The following BTC variants were observed in gnomAD, a reference collection of about 807,000 sequenced individuals.
BTC encodes betacellulin, also known as probetacellulin.
In BTC, 13 loss-of-function variants were observed where a neutral mutation model predicts 18.1. The observed-to-expected ratio is 0.72, with a 90% CI of 0.47 to 1.14. The LOEUF (loss-of-function observed/expected upper bound fraction) is 1.14. BTC is among the 50% of genes most tolerant of loss of function. The probability of loss-of-function intolerance (pLI) is 0.00; values close to 1 mark genes in which losing one functional copy is unlikely to be tolerated. For synonymous variants in BTC, 83 were observed against 79.4 expected, an observed-to-expected ratio of 1.05 and a Z score of -0.24; for missense variants, 247 against 224.2, an observed-to-expected ratio of 1.10 and a Z score of -0.65.
At chr4:74,767,937 A>T (rs1724943780) in intron 2 of BTC, among the ~76,000 whole-genome samples, 1 of 152,164 alleles carries the variant, frequency 6.6e-6, no homozygotes, top group Non-Finnish European at 1.5e-5. Flanking sequence ...CCTGCAAGAA[A>T]ACGTAAGATA....
intron 1 of BTC, among the ~76,000 whole-genome samples, chr4:74,777,770 A>G (rs942963092): frequency 1.3e-5 from 2 of 152,054 alleles, no homozygotes; most frequent in Admixed American, 6.6e-5. Context: ...GGTTGGTTAA[A>G]TGATTCAATA....
intron 1 of BTC, among the ~76,000 whole-genome samples, chr4:74,780,899 T>G (rs1353685419): frequency 6.6e-6 from 1 of 150,614 alleles, no homozygotes; most frequent in Non-Finnish European, 1.5e-5. Context: ...AGAGTTTCTT[T>G]TTTTTTTTTT....
At chr4:74,780,896 C>CT (rs779129954) in intron 1 of BTC, among the ~76,000 whole-genome samples, 8,806 of 98,910 alleles carry the variant, frequency 0.089, 365 homozygotes, top group Admixed American at 0.15. Context: ...CTGAGAGTTT[C>CT]TTTTTTTTTT....
intron 2 of BTC, among the ~76,000 whole-genome samples, chr4:74,760,128 G>C (rs1000789990): frequency 3.3e-5 from 5 of 152,192 alleles, no homozygotes; most frequent in Non-Finnish European, 7.3e-5. Context: ...GTATTCTGAA[G>C]TCAACTCAAA....
intron 2 of BTC, among the ~76,000 whole-genome samples, chr4:74,768,028 T>G (rs767244256): frequency 6.6e-6 from 1 of 152,012 alleles, no homozygotes; most frequent in African/African-American, 2.4e-5. Flanking sequence ...AATAAACAAG[T>G]GGGACTATGT....
intron 1 of BTC, among the ~76,000 whole-genome samples, chr4:74,790,818 G>T (rs1237555809): frequency 6.6e-6 from 1 of 152,186 alleles, no homozygotes; most frequent in East Asian, 1.9e-4. Flanking sequence ...GAGAAGCAGG[G>T]TTTCCTGGAA....
intron 4 of BTC, 98 bp downstream of exon 4, chr4:74,750,475 A>T: frequency 7.7e-7 from 1 of 1,304,922 alleles, no homozygotes; most frequent in Non-Finnish European, 1.0e-6. Flanking sequence ...TGAATCAAAG[A>T]AAAAGCAAAA....
intron 3 of BTC, among the ~76,000 whole-genome samples, chr4:74,755,625 C>A (rs533119937): frequency 6.6e-6 from 1 of 152,334 alleles, no homozygotes; most frequent in South Asian, 2.1e-4. Context: ...GGACACTGCC[C>A]AGCCCAGAAG....
intron 1 of BTC, among the ~76,000 whole-genome samples, chr4:74,775,569 C>T (rs991196354): frequency 2.0e-5 from 3 of 152,088 alleles, no homozygotes; most frequent in Non-Finnish European, 4.4e-5. Context: ...TCCTCAAGCC[C>T]GTATTTAAAA....
intron 2 of BTC, among the ~76,000 whole-genome samples, chr4:74,759,657 TA>T (rs61506916): frequency 0.38 from 56,369 of 146,682 alleles, 11,225 homozygotes; most frequent in East Asian, 0.61. Context: ...ACATTTAAGT[TA>T]AAAAAAAAAA....
At chr4:74,789,185 C>T (rs1002221449) in intron 1 of BTC, among the ~76,000 whole-genome samples, 1 of 152,222 alleles carries the variant, frequency 6.6e-6, no homozygotes, top group Non-Finnish European at 1.5e-5. Context: ...AGCTTACATT[C>T]TAAGGAAACA....
chr4:74,783,541 C>T (rs112680684), intron 1 of BTC, among the ~76,000 whole-genome samples: 22 of 149,622 alleles, frequency 1.5e-4, no homozygotes, highest in African/African-American at 5.4e-4. Context: ...AATGATGCCT[C>T]CAGCCTTGTA....
chr4:74,787,428 C>T (rs1373625613), intron 1 of BTC, among the ~76,000 whole-genome samples: 1 of 152,130 alleles, frequency 6.6e-6, no homozygotes, highest in African/African-American at 2.4e-5. Context: ...AAAGGTCTTT[C>T]ATTGTTTCTT....
chr4:74,766,061 G>T (rs963896963), intron 2 of BTC, among the ~76,000 whole-genome samples: 1 of 151,868 alleles, frequency 6.6e-6, no homozygotes. Flanking sequence ...TCTAAACATA[G>T]AAAAAGTACA....
intron 1 of BTC, 101 bp from the exon 2 acceptor site, chr4:74,770,257 A>G: frequency 3.3e-6 from 3 of 919,118 alleles, no homozygotes; most frequent in Non-Finnish European, 5.0e-6. Context: ...TGAAAATAAC[A>G]AGACTATGGT....
Position 74,794,428 on chromosome 4 carries a change from C to A in BTC, c.-103G>T. 1.6e-6 allele frequency: 2 copies of A among 1,268,180 alleles called. No individual in the cohort carries two copies. Among genetic ancestry groups the A allele is most frequent in the Non-Finnish European group, 2.1e-6 (2 of 951,514 alleles). The allele number at this position is 1,268,180 out of a possible 1,614,324, so 78.6% of individuals were successfully genotyped here. On this transcript the variant is annotated 5_prime_UTR_variant, in exon 1 of 6. Transcript: ENST00000395743. ...CTGAGAGGGTGCCTGGAAACTAATC[C>A]CGGAGGCAGAAGGAAACGAAACTAC...
At chr4:74,762,583 G>A (rs1553957430) in intron 2 of BTC, among the ~76,000 whole-genome samples, 1 of 151,926 alleles carries the variant, frequency 6.6e-6, no homozygotes, top group Non-Finnish European at 1.5e-5. Context: ...AGGAAGGAAA[G>A]GAGGGCTGAA....
At chr4:74,767,691 A>G (rs1020791554) in intron 2 of BTC, among the ~76,000 whole-genome samples, 1 of 152,146 alleles carries the variant, frequency 6.6e-6, no homozygotes, top group Admixed American at 6.5e-5. Flanking sequence ...TGGTACTGGC[A>G]TAAAGACCAA....
At chr4:74,764,190 T>C (rs1724838150) in intron 2 of BTC, among the ~76,000 whole-genome samples, 1 of 151,996 alleles carries the variant, frequency 6.6e-6, no homozygotes, top group African/African-American at 2.4e-5. Context: ...ATGTAAAAGC[T>C]AAAAATTATG....
Sources: gnomAD v4.1 joint callset for allele counts (sites outside exome capture counted in the v4.1 genomes callset) on GRCh38, gnomAD v4.1.1 for gene constraint, MANE v1.5 for transcripts, NCBI Gene and HGNC (gene_info 2026-07-23, HGNC 2026-07-21) for gene names.